The following ASMTL variants were observed in gnomAD, a reference collection of about 807,000 sequenced individuals.
ASMTL encodes probable bifunctional dTTP/UTP pyrophosphatase/methyltransferase protein.
ASMTL carries 57 observed loss-of-function variants against 60.3 expected under a neutral mutation model. That is an observed-to-expected ratio of 0.95 (90% confidence interval 0.76 to 1.18). The LOEUF (loss-of-function observed/expected upper bound fraction) is 1.18, where lower values mean the gene tolerates loss of function less well. Ranked by LOEUF, ASMTL falls within the 50% of genes most tolerant of loss-of-function variation. The pLI is 0.00. For synonymous variants in ASMTL, 419 were observed against 373.0 expected (o/e 1.12, Z -1.42); for missense variants, 981 against 852.6 (o/e 1.15, Z -1.88).
chrX:1,452,176 C>T (rs1414711972), intron 1 of ASMTL, among the ~76,000 whole-genome samples: 1 of 146,758 alleles, frequency 6.8e-6, no homozygotes, highest in Non-Finnish European at 1.5e-5. Context: ...CAACCCCATT[C>T]CTGGGGGTCT....
chrX:1,432,657 G>T (rs1192541437), intron 5 of ASMTL, among the ~76,000 whole-genome samples: 2 of 151,750 alleles, frequency 1.3e-5, no homozygotes, highest in Non-Finnish European at 2.9e-5. Flanking sequence ...GTGAAACCCC[G>T]TCTCTACTAA....
upstream of ASMTL, among the ~76,000 whole-genome samples, chrX:1,453,332 G>A (rs2091442984): frequency 6.6e-6 from 1 of 151,710 alleles, no homozygotes; most frequent in Non-Finnish European, 1.5e-5. Flanking sequence ...CCACGCCCAG[G>A]CCACACCCCC....
At chrX:1,453,464 C>T (rs1321328417), upstream of ASMTL, among the ~76,000 whole-genome samples, 2 of 152,010 alleles carry the variant, frequency 1.3e-5, no homozygotes, top group African/African-American at 2.4e-5. Flanking sequence ...GCCTGCGGCG[C>T]CAAGACCTGC....
At chrX:1,433,639 A>C (rs778945032) in intron 5 of ASMTL, among the ~76,000 whole-genome samples, 392 of 151,536 alleles carry the variant, frequency 2.6e-3, no homozygotes, top group African/African-American at 9.1e-3. Flanking sequence ...GAGATGGCGC[A>C]AGTGCACTCT....
At chrX:1,418,268 TC>T in intron 10 of ASMTL, 152 bp from the exon 11 acceptor site, 1 of 832,122 alleles carries the variant, frequency 1.2e-6, no homozygotes, top group Non-Finnish European at 1.8e-6. Flanking sequence ...CTCGCTGGTA[TC>T]CCAGACAAGA....
intron 6 of ASMTL, among the ~76,000 whole-genome samples, chrX:1,431,438 AT>A (rs1396952444): frequency 2.2e-5 from 3 of 136,738 alleles, no homozygotes; most frequent in Non-Finnish European, 4.5e-5. Context: ...CATATAATCT[AT>A]TATAACAGTA....
chrX:1,453,201 C>T (rs1247033826), upstream of ASMTL, among the ~76,000 whole-genome samples: 5 of 151,208 alleles, frequency 3.3e-5, no homozygotes, highest in Non-Finnish European at 7.4e-5. Flanking sequence ...GCCCTCTCCG[C>T]CAGGCCACGC....
In ASMTL at chrX:1,427,979, C is replaced by A. The variant is rs751109103; in HGVS notation, c.652G>T (p.Glu218Ter). The stretch of plus-strand genomic sequence containing the variant: ...TGCTTGACACTCCGCCGCAGGTCCT[C>A]CGGACGGGGCGGGTAGTAGAGCTTC... ...LVKLYYPPRP[E>*]DLRRSVKHDS... The change falls in exon 7 of 13, where the codon GAG becomes TAG. Residue 218 changes from glutamate to a stop codon, truncating the protein, a stop_gained. Transcript: ENST00000381317. LOFTEE classifies it high-confidence loss of function. The A allele has an allele frequency of 7.4e-6, 12 of 1,613,574 alleles. No individual in the cohort carries two copies. Among genetic ancestry groups the A allele is most frequent in the Non-Finnish European group, 1.0e-5 (12 of 1,179,842 alleles).
rs1401641423 is a variant in ASMTL at position 1,403,243 on chromosome X, C to T, written c.*26G>A. On this transcript the variant is annotated 3_prime_UTR_variant, in exon 13 of 13. Transcript: ENST00000381317. ...CACCTGCAGCCTGGGGGAGGACATC[C>T]CTATAATGAACATGCTGCCTGGGCT... The T allele has an allele frequency of 2.5e-6, 4 of 1,602,396 alleles. No individual in the cohort carries two copies. The highest frequency in any genetic ancestry group is 2.2e-5 in the East Asian group (1 of 44,832).
At position 1,438,133 on chromosome X, in the gene ASMTL, A is replaced by G. The variant is rs750943750; in HGVS notation, c.273+964T>C. On this transcript the variant is annotated intron_variant, in intron 3 of 12. Transcript: ENST00000381317. The stretch of plus-strand genomic sequence containing the variant: ...GTGAAACCCCGTCTCTACTAAAAAT[A>G]CAAAAATCAGCCGGGCGTGGTGGCG... 2.0e-5 allele frequency among the ~76,000 whole-genome samples: 3 copies of G among 151,578 alleles called. No individual in the cohort carries two copies. In the South Asian group the frequency reaches 6.3e-4, roughly 32 times the overall value.
chrX:1,452,100 C>T (rs1175197785), intron 1 of ASMTL, among the ~76,000 whole-genome samples: 12 of 150,702 alleles, frequency 8.0e-5, no homozygotes, highest in African/African-American at 2.9e-4. Flanking sequence ...CTCCCCTCCC[C>T]CATCCCTAGG....
chrX:1,404,339 T>C (rs184105403), intron 12 of ASMTL, among the ~76,000 whole-genome samples: 333 of 150,398 alleles, frequency 2.2e-3, no homozygotes, highest in African/African-American at 7.1e-3. Context: ...AATGGATGGA[T>C]AGATGAATGC....
chrX:1,433,942 G>T (rs138318322), intron 5 of ASMTL, among the ~76,000 whole-genome samples: 1 of 152,200 alleles, frequency 6.6e-6, no homozygotes, highest in African/African-American at 2.4e-5. Context: ...GCAGGTGCTT[G>T]CAGGAGCCAG....
chrX:1,419,132 C>G lies in ASMTL; in HGVS notation c.1246-18G>C, dbSNP rs778222542. Reference sequence around the variant, plus strand: ...TACGCATCCTGGAACACAGCAGGTGCTTAGGGGCACCAGAGAACACGGGGC... The same window carrying G: ...TACGCATCCTGGAACACAGCAGGTGGTTAGGGGCACCAGAGAACACGGGGC... On this transcript the variant is annotated intron_variant, in intron 9 of 12. Coordinates refer to ENST00000381317, the MANE Select transcript of ASMTL (RefSeq NM_004192.4). 1 of 1,609,952 alleles carries G rather than the reference C, an allele frequency of 6.2e-7. No homozygotes were observed. Among genetic ancestry groups the G allele is most frequent in the Non-Finnish European group, 8.5e-7 (1 of 1,178,986 alleles).
In ASMTL at chrX:1,442,301, A is replaced by G. The variant is rs575707349; in HGVS notation, c.110T>C (p.Val37Ala). Residue 37 changes from valine (V) to alanine (A), a missense_variant, in exon 2 of 13, where the codon GTG becomes GCG. By Grantham distance (64) the Val-to-Ala change is moderately conservative. Coordinates refer to ENST00000381317, the MANE Select transcript of ASMTL (RefSeq NM_004192.4). ...ILSNAGLRFEVVPSKFKEKLD... is the reference protein window; with the variant it reads ...ILSNAGLRFEAVPSKFKEKLD... Reference sequence around the variant, plus strand: ...CTTCTCTTTAAACTTGGAGGGGACCACCTCAAACCTGAGACCCTGCAACAG... The same window carrying G: ...CTTCTCTTTAAACTTGGAGGGGACCGCCTCAAACCTGAGACCCTGCAACAG... 6 of 1,613,870 alleles carry G rather than the reference A, an allele frequency of 3.7e-6. No individual in the cohort carries two copies. Among genetic ancestry groups the G allele is most frequent in the Middle Eastern group, 1.7e-4 (1 of 6,032 alleles).
At chrX:1,411,768 C>G (rs1431679502) in intron 12 of ASMTL, among the ~76,000 whole-genome samples, 22 of 147,276 alleles carry the variant, frequency 1.5e-4, no homozygotes, top group Admixed American at 6.1e-4. Flanking sequence ...GCCACTTCAA[C>G]TTCACGAATA....
At chrX:1,418,842 C>G (rs188173742) in intron 10 of ASMTL, 140 bp downstream of exon 10, 3 of 1,083,662 alleles carry the variant, frequency 2.8e-6, no homozygotes, top group East Asian at 2.5e-5. Flanking sequence ...CACCCATGAT[C>G]TGGGACTCAG....
At chrX:1,417,094 G>C (rs1207579052) in intron 11 of ASMTL, among the ~76,000 whole-genome samples, 5 of 149,450 alleles carry the variant, frequency 3.3e-5, no homozygotes, top group African/African-American at 7.4e-5. Flanking sequence ...CATAGATGCA[G>C]ACACACAGAC....
intron 6 of ASMTL, among the ~76,000 whole-genome samples, chrX:1,430,986 TCA>T (rs1489025747): frequency 2.2e-5 from 3 of 137,974 alleles, no homozygotes; most frequent in Non-Finnish European, 3.0e-5. Context: ...TTACATATAA[TCA>T]CACTTTATAT....
Sources: allele counts gnomAD v4.1 joint callset (sites outside exome capture counted in the v4.1 genomes callset), GRCh38; gene constraint gnomAD v4.1.1; transcripts MANE v1.5; gene names NCBI Gene and HGNC (gene_info 2026-07-23, HGNC 2026-07-21).